The following UBQLN1 variants were observed in gnomAD, a reference collection of about 807,000 sequenced individuals.
UBQLN1 encodes the protein ubiquilin 1.
A neutral mutation model predicts 65.4 loss-of-function variants in UBQLN1; 13 were observed. That is an observed-to-expected ratio of 0.20 (90% confidence interval 0.13 to 0.32). The LOEUF is 0.32. UBQLN1 is among the 10% of genes least tolerant of loss of function. UBQLN1 has a pLI of 1.00. For synonymous variants in UBQLN1, 267 were observed against 247.8 expected (o/e 1.08, Z -0.73); for missense variants, 561 against 724.0 (o/e 0.77, Z 2.58).
chr9:83,702,666 T>C (rs1832331109), intron 1 of UBQLN1, among the ~76,000 whole-genome samples: 1 of 152,200 alleles, frequency 6.6e-6, no homozygotes, highest in African/African-American at 2.4e-5. Context: ...CATACCAAAT[T>C]TTCAAAATCT....
chr9:83,707,895 GC>G lies in UBQLN1; in HGVS notation c.-217del. Reference sequence around the variant, plus strand: ...GGCCCGGGTCAGGCGCTCGGCAGCCGCCGTGTGTTCAGGCGCCGCTCGCTCA... The same window carrying G: ...GGCCCGGGTCAGGCGCTCGGCAGCCGCGTGTGTTCAGGCGCCGCTCGCTCA... On this transcript the variant is annotated 5_prime_UTR_variant, in exon 1 of 11. Transcript: ENST00000376395. 1 of 605,200 alleles carries G rather than the reference GC, an allele frequency of 1.7e-6. No homozygotes were observed. Among genetic ancestry groups the G allele is most frequent in the Non-Finnish European group, 2.6e-6 (1 of 377,570 alleles). 37.5% of individuals were successfully genotyped at this position (605,200 alleles called of 1,614,324 possible). A position where few individuals can be genotyped will look rare whatever the true frequency, so the allele number is the denominator to read the frequency against.
intron 3 of UBQLN1, among the ~76,000 whole-genome samples, chr9:83,680,352 A>G (rs1030251385): frequency 1.3e-5 from 2 of 152,050 alleles, no homozygotes; most frequent in Non-Finnish European, 2.9e-5. Flanking sequence ...GAGTGACAGG[A>G]GTATCTTTTA....
At chr9:83,684,200 T>C (rs1306169292) in intron 2 of UBQLN1, among the ~76,000 whole-genome samples, 3 of 151,968 alleles carry the variant, frequency 2.0e-5, no homozygotes, top group Non-Finnish European at 4.4e-5. Flanking sequence ...ACTTTATTTA[T>C]TTATTTTTTT....
chr9:83,700,823 GAACCGT>G (rs1264314142), intron 1 of UBQLN1, among the ~76,000 whole-genome samples: 11 of 152,126 alleles, frequency 7.2e-5, no homozygotes, highest in Admixed American at 6.5e-5. Flanking sequence ...AGAGGGCATG[GAACCGT>G]ATTACACAGG....
chr9:83,675,742 C>T (rs1831821214), intron 6 of UBQLN1, among the ~76,000 whole-genome samples: 1 of 152,118 alleles, frequency 6.6e-6, no homozygotes, highest in African/African-American at 2.4e-5. Context: ...AAATCAAATG[C>T]TTTTGGAATG....
chr9:83,698,805 T>TG (rs1264881401), intron 1 of UBQLN1, among the ~76,000 whole-genome samples: 1 of 151,224 alleles, frequency 6.6e-6, no homozygotes, highest in African/African-American at 2.4e-5. Context: ...CCCAGCTACT[T>TG]GGGGGGCTAA....
At chr9:83,692,499 G>A (rs548356801) in intron 1 of UBQLN1, among the ~76,000 whole-genome samples, 5 of 152,168 alleles carry the variant, frequency 3.3e-5, no homozygotes, top group Non-Finnish European at 5.9e-5. Context: ...AAGCTGTTTA[G>A]ACAGAGGTAG....
chr9:83,696,153 C>T (rs931500846), intron 1 of UBQLN1, among the ~76,000 whole-genome samples: 6 of 152,108 alleles, frequency 3.9e-5, no homozygotes, highest in Non-Finnish European at 8.8e-5. Context: ...TTGGCCAGGA[C>T]GGTCTCAAAC....
intron 7 of UBQLN1, chr9:83,668,038 T>C (rs1358080043): frequency 4.1e-6 from 4 of 985,286 alleles, no homozygotes; most frequent in Non-Finnish European, 4.8e-6. Context: ...CATTCAGTAT[T>C]AGCCAAATAC....
At chr9:83,675,724 T>C (rs947360755) in intron 6 of UBQLN1, among the ~76,000 whole-genome samples, 1 of 152,196 alleles carries the variant, frequency 6.6e-6, no homozygotes, top group African/African-American at 2.4e-5. Context: ...CTGATAAATA[T>C]GCTATTAAAA....
At chr9:83,681,247 G>A (rs1034970101) in intron 3 of UBQLN1, among the ~76,000 whole-genome samples, 4 of 152,194 alleles carry the variant, frequency 2.6e-5, no homozygotes, top group African/African-American at 7.2e-5. Flanking sequence ...ATGACCAAGT[G>A]CTTACCACAA....
At chr9:83,673,492 C>T (rs1439408383) in intron 6 of UBQLN1, among the ~76,000 whole-genome samples, 1 of 137,830 alleles carries the variant, frequency 7.3e-6, no homozygotes. Context: ...TTGCAGTGAG[C>T]CGTGATCATG....
chr9:83,661,518 G>A lies in UBQLN1; in HGVS notation c.*269C>T, dbSNP rs562979557. 1.0e-5 allele frequency: 3 copies of A among 298,364 alleles called. No homozygotes were observed. Among genetic ancestry groups the A allele is most frequent in the Non-Finnish European group, 1.9e-5 (3 of 162,138 alleles). 18.5% of individuals were successfully genotyped at this position (298,364 alleles called of 1,614,324 possible). On this transcript the variant is annotated 3_prime_UTR_variant, in exon 11 of 11. Transcript: ENST00000376395. The stretch of plus-strand genomic sequence containing the variant: ...ACTGGACAGATGCAGGACAAAATCT[G>A]GTCACCCAACTATAAAAGGTGATGT...
intron 1 of UBQLN1, among the ~76,000 whole-genome samples, chr9:83,690,855 G>C (rs1227432430): frequency 6.6e-6 from 1 of 152,088 alleles, no homozygotes; most frequent in Non-Finnish European, 1.5e-5. Flanking sequence ...TGCCTCAATG[G>C]GAGCGGGCGC....
chr9:83,672,266 T>C (rs780436208), intron 6 of UBQLN1, among the ~76,000 whole-genome samples: 2 of 152,144 alleles, frequency 1.3e-5, no homozygotes, highest in African/African-American at 2.4e-5. Flanking sequence ...TTCACTGGAG[T>C]AGCACTTATA....
chr9:83,682,294 A>G (rs930955731), intron 3 of UBQLN1, among the ~76,000 whole-genome samples: 8 of 151,434 alleles, frequency 5.3e-5, no homozygotes, highest in Non-Finnish European at 8.8e-5. Context: ...CAAAAAATAT[A>G]TATATATATA....
chr9:83,668,467 C>A, intron 7 of UBQLN1: 1 of 985,248 alleles, frequency 1.0e-6, no homozygotes, highest in Non-Finnish European at 1.2e-6. Context: ...TGGTATGGAA[C>A]CTAGATAGTA....
rs770994394 is a variant in UBQLN1, at chr9:83,677,801, C to A, written c.1031G>T (p.Gly344Val). The change falls in exon 6 of 11, where the codon GGC (glycine) becomes GTC (valine). Residue 344 changes from glycine (G) to valine (V), a missense_variant. Around this residue, in one of 8 missense-constraint regions of UBQLN1, gnomAD observed 89 missense variants for 77.8 expected, o/e 1.14. Transcript: ENST00000376395. ...ASSGTASTVG[G>V]TTGSTASGTS... is the part of the protein sequence containing the mutation. ...GCCACTGGCAGTACTACCAGTAGTGCCACCCACAGTGCTGGCAGTGCCGCT... is the reference window on the plus strand; with the variant it reads ...GCCACTGGCAGTACTACCAGTAGTGACACCCACAGTGCTGGCAGTGCCGCT... 2 of 1,614,024 alleles carry A rather than the reference C, an allele frequency of 1.2e-6. No homozygotes were observed. The highest frequency in any genetic ancestry group is 1.7e-5 in the Admixed American group (1 of 59,992).
intron 4 of UBQLN1, among the ~76,000 whole-genome samples, chr9:83,679,228 A>G (rs1342744706): frequency 1.3e-5 from 2 of 152,214 alleles, no homozygotes; most frequent in African/African-American, 4.8e-5. Flanking sequence ...TTAGGAAAGT[A>G]ACTTCGAAAT....
Sources: allele counts gnomAD v4.1 joint callset (sites outside exome capture counted in the v4.1 genomes callset), GRCh38; gene constraint gnomAD v4.1.1; regional missense constraint gnomAD v4.1.1; transcripts MANE v1.5; gene names NCBI Gene and HGNC (gene_info 2026-07-23, HGNC 2026-07-21).